The following TPGS2 variants were observed in gnomAD, a reference collection of about 807,000 sequenced individuals.
TPGS2 encodes tubulin polyglutamylase complex subunit 2.
Under a neutral mutation model 31.1 loss-of-function variants are expected in TPGS2, and 26 were observed. The observed-to-expected ratio is 0.84, with a 90% confidence interval of 0.61 to 1.16. The LOEUF (loss-of-function observed/expected upper bound fraction) is 1.16, where lower values mean the gene tolerates loss of function less well. Among genes scored for constraint, TPGS2 ranks in the 50% most tolerant of loss-of-function variants. The pLI is 0.00. For missense variants in TPGS2, 351 were observed against 363.8 expected, an observed-to-expected ratio of 0.96 and a Z score of 0.29; for synonymous variants, 130 against 136.6, an observed-to-expected ratio of 0.95 and a Z score of 0.34.
downstream of TPGS2, chr18:36,782,859 C>T (rs927045351): frequency 1.9e-4 from 73 of 378,674 alleles, no homozygotes; most frequent in East Asian, 2.8e-3. Context: ...TGCCCAGTAA[C>T]ATGGGAGGAA....
intron 1 of TPGS2, among the ~76,000 whole-genome samples, chr18:36,828,383 G>A (rs1461240130): frequency 6.6e-6 from 1 of 152,146 alleles, no homozygotes; most frequent in Non-Finnish European, 1.5e-5. Flanking sequence ...CCAACCGTCA[G>A]GTGCTTGCTG....
In TPGS2 at chr18:36,828,877, AAAGCG is replaced by A; in HGVS notation, c.-115_-111del. 7.3e-7 allele frequency: 1 copy of A among 1,365,804 alleles called. No homozygotes were observed. The highest frequency in any genetic ancestry group is 1.0e-6 in the Non-Finnish European group (1 of 999,498). 84.6% of individuals were successfully genotyped at this position (1,365,804 alleles called of 1,614,324 possible). A position where few individuals can be genotyped will look rare whatever the true frequency, so the allele number is the denominator to read the frequency against. On this transcript the variant is annotated 5_prime_UTR_variant, in exon 1 of 7. Transcript: ENST00000334295. ...CGGGAACGGTAGTTCTCGGCGCCTGAAAGCGCGGCGCAGTGATGATGGGGGCCCGG... is the reference window on the plus strand; with the variant it reads ...CGGGAACGGTAGTTCTCGGCGCCTGACGGCGCAGTGATGATGGGGGCCCGG...
intron 2 of TPGS2, among the ~76,000 whole-genome samples, chr18:36,811,249 C>T (rs1047266854): frequency 6.6e-6 from 1 of 152,150 alleles, no homozygotes; most frequent in African/African-American, 2.4e-5. Context: ...TGTGAGATCC[C>T]CAAGAGAATT....
chr18:36,809,565 TG>T (rs1174059407), intron 2 of TPGS2, among the ~76,000 whole-genome samples: 1 of 152,224 alleles, frequency 6.6e-6, no homozygotes, highest in Non-Finnish European at 1.5e-5. Context: ...GTAATGGGCT[TG>T]CTCCTAGTGC....
Position 36,794,147 on chromosome 18 carries a change from G to T in TPGS2, c.*2658C>A. On this transcript the variant is annotated 3_prime_UTR_variant, in exon 7 of 7. Coordinates refer to ENST00000334295, the MANE Select transcript of TPGS2 (RefSeq NM_015476.4). Reference sequence around the variant, plus strand: ...AAGTTTTTAGTTAGAACAGCATTAAGTAGCAAATAAAAAACACAGCCATAA... The same window carrying T: ...AAGTTTTTAGTTAGAACAGCATTAATTAGCAAATAAAAAACACAGCCATAA... 1 of 418,360 alleles carries T rather than the reference G, an allele frequency of 2.4e-6. No individual in the cohort carries two copies. The highest frequency in any genetic ancestry group is 3.2e-6 in the Non-Finnish European group (1 of 311,380). 25.9% of individuals were successfully genotyped at this position (418,360 alleles called of 1,614,324 possible).
intron 1 of TPGS2, among the ~76,000 whole-genome samples, chr18:36,821,282 A>AG (rs922209885): frequency 3.9e-5 from 6 of 152,266 alleles, no homozygotes; most frequent in African/African-American, 1.4e-4. Context: ...AGAAGTACTG[A>AG]GGGGGGCAGA....
At position 36,818,982 on chromosome 18, in the gene TPGS2, G is replaced by C; in HGVS notation, c.86-9C>G. On this transcript the variant is annotated splice_polypyrimidine_tract_variant and intron_variant, in intron 1 of 6. Transcript: ENST00000334295. ...CACACCTGGGGAAGATTCTGGAAGAGAAAAAAGAGTCTGTAGAGTTGCAAT... is the reference window on the plus strand; with the variant it reads ...CACACCTGGGGAAGATTCTGGAAGACAAAAAAGAGTCTGTAGAGTTGCAAT... 6.2e-7 allele frequency: 1 copy of C among 1,607,828 alleles called. No individual in the cohort carries two copies. The highest frequency in any genetic ancestry group is 8.5e-7 in the Non-Finnish European group (1 of 1,177,322).
At chr18:36,790,171 A>AT (rs2044260089), downstream of TPGS2, 2 of 152,192 alleles carry the variant, frequency 1.3e-5, no homozygotes, top group Admixed American at 1.3e-4. Flanking sequence ...TAACCCTGTG[A>AT]TTACAATACA....
intron 1 of TPGS2, among the ~76,000 whole-genome samples, chr18:36,826,808 G>T (rs1371328957): frequency 6.6e-6 from 1 of 152,094 alleles, no homozygotes; most frequent in Non-Finnish European, 1.5e-5. Context: ...TGATTTTAAG[G>T]GGAAAGCTGC....
chr18:36,800,160 A>T (rs544100364), intron 5 of TPGS2, 38 bp downstream of exon 5: 13 of 1,583,146 alleles, frequency 8.2e-6, no homozygotes, highest in Non-Finnish European at 9.5e-6. Context: ...GCAAGACCCT[A>T]GCCAAACTAC....
chr18:36,828,882 G>C lies in TPGS2; in HGVS notation c.-115C>G, dbSNP rs972233667. On this transcript the variant is annotated 5_prime_UTR_variant, in exon 1 of 7. Transcript: ENST00000334295. ...ACGGTAGTTCTCGGCGCCTGAAAGC[G>C]CGGCGCAGTGATGATGGGGGCCCGG... is the stretch of plus-strand genomic sequence containing the variant. 10 of 1,319,684 alleles carry C rather than the reference G, an allele frequency of 7.6e-6. No homozygotes were observed. The African/African-American group carries it at 1.5e-4, about 19-fold the overall frequency. The allele number at this position is 1,319,684 out of a possible 1,614,324, so 81.7% of individuals were successfully genotyped here.
intron 1 of TPGS2, among the ~76,000 whole-genome samples, chr18:36,825,781 T>C (rs1376929554): frequency 6.6e-6 from 1 of 152,176 alleles, no homozygotes; most frequent in East Asian, 1.9e-4. Flanking sequence ...GTCTCTTGCA[T>C]TTCTATATTA....
chr18:36,807,312 C>T (rs1309219210), intron 3 of TPGS2, among the ~76,000 whole-genome samples: 2 of 152,136 alleles, frequency 1.3e-5, no homozygotes, highest in South Asian at 2.1e-4. Context: ...AATGTTTTGT[C>T]CTAGACAAAA....
intron 2 of TPGS2, among the ~76,000 whole-genome samples, chr18:36,816,480 T>A (rs578260010): frequency 6.6e-6 from 1 of 152,352 alleles, no homozygotes; most frequent in East Asian, 1.9e-4. Flanking sequence ...CAGAAATCAC[T>A]TTATTCCAAA....
At chr18:36,823,917 C>T in intron 1 of TPGS2, 2 of 957,262 alleles carry the variant, frequency 2.1e-6, no homozygotes, top group Non-Finnish European at 2.5e-6. Flanking sequence ...TTTAGAATTC[C>T]TTTTTAAAAA....
chr18:36,821,228 C>G (rs944878446), intron 1 of TPGS2: 4 of 152,152 alleles, frequency 2.6e-5, no homozygotes, highest in African/African-American at 9.7e-5. Flanking sequence ...TGAGCCATCA[C>G]ATACTAAATC....
At chr18:36,824,913 C>A (rs2046062984) in intron 1 of TPGS2, among the ~76,000 whole-genome samples, 1 of 152,068 alleles carries the variant, frequency 6.6e-6, no homozygotes, top group South Asian at 2.1e-4. Flanking sequence ...ATGTAAGAAT[C>A]CAGTGCCTAA....
At chr18:36,792,192 A>G (rs750807843), downstream of TPGS2, among the ~76,000 whole-genome samples, 2 of 152,196 alleles carry the variant, frequency 1.3e-5, no homozygotes. Context: ...TGGCTATTGG[A>G]CAGAAAAAAG....
At chr18:36,820,124 T>C (rs2045832447) in intron 1 of TPGS2, among the ~76,000 whole-genome samples, 1 of 152,230 alleles carries the variant, frequency 6.6e-6, no homozygotes, top group African/African-American at 2.4e-5. Context: ...GATGCAGCAA[T>C]AGCCCAATAT....
Sources: allele counts gnomAD v4.1 joint callset (sites outside exome capture counted in the v4.1 genomes callset), GRCh38; gene constraint gnomAD v4.1.1; transcripts MANE v1.5; gene names NCBI Gene and HGNC (gene_info 2026-07-23, HGNC 2026-07-21).